The following SEMA4D variants were observed in gnomAD, a reference collection of about 807,000 sequenced individuals.
The protein encoded by SEMA4D is semaphorin-4D.
In SEMA4D, 22 loss-of-function variants were observed where a neutral mutation model predicts 74.8. That is an observed-to-expected ratio of 0.29 (90% CI 0.21 to 0.42). The LOEUF (loss-of-function observed/expected upper bound fraction) is 0.42. SEMA4D is among the 10% of genes least tolerant of loss of function. SEMA4D has a pLI of 1.00. For missense variants in SEMA4D, 937 were observed against 1,118.4 expected, an observed-to-expected ratio of 0.84 and a Z score of 2.31; for synonymous variants, 445 against 463.7, an observed-to-expected ratio of 0.96 and a Z score of 0.52.
At chr9:89,468,576 C>G (rs1046079694) in intron 1 of SEMA4D, among the ~76,000 whole-genome samples, 4 of 152,192 alleles carry the variant, frequency 2.6e-5, no homozygotes, top group Non-Finnish European at 5.9e-5. Context: ...GTTTTTCAAA[C>G]AGGCTAATTT....
At chr9:89,375,668 T>C (rs1358215109), downstream of SEMA4D, among the ~76,000 whole-genome samples, 1 of 152,212 alleles carries the variant, frequency 6.6e-6, no homozygotes, top group Non-Finnish European at 1.5e-5. Flanking sequence ...CTGTATCTAC[T>C]GATCAGTCAG....
chr9:89,373,550 C>G (rs552962788), downstream of SEMA4D, among the ~76,000 whole-genome samples: 1 of 152,180 alleles, frequency 6.6e-6, no homozygotes, highest in Non-Finnish European at 1.5e-5. Flanking sequence ...GGCACCAGGA[C>G]GCAGCATGGG....
rs1473674337 is a variant in SEMA4D, at chr9:89,415,835, G to T, written c.-243-10136C>A. Among the ~76,000 whole-genome samples the T allele has an allele frequency of 2.6e-5, 4 of 152,210 alleles. No individual in the cohort carries two copies. The South Asian group carries it at 6.2e-4, about 24-fold the overall frequency. On this transcript the variant is annotated intron_variant, in intron 2 of 15. Coordinates refer to ENST00000422704, the MANE Select transcript of SEMA4D (RefSeq NM_001371194.2). ...CTCAGCACCGGACAGAACCCAGCCA[G>T]CAGAGATGCTTCCAGAATGCCAAAG...
intron 5 of SEMA4D, among the ~76,000 whole-genome samples, chr9:89,397,480 C>G (rs1403405899): frequency 6.6e-6 from 1 of 152,184 alleles, no homozygotes; most frequent in African/African-American, 2.4e-5. Flanking sequence ...GCCTGGAGCC[C>G]GGCTTGGCAT....
chr9:89,376,797 G>A (rs1156591405), downstream of SEMA4D: 1 of 1,526,604 alleles, frequency 6.6e-7, no homozygotes, highest in Non-Finnish European at 8.9e-7. Context: ...GGAGACAGAT[G>A]GACAGGGCAC....
Position 89,378,075 on chromosome 9 carries a change from T to C in SEMA4D, c.*629A>G, listed in dbSNP as rs988619218. The C allele has an allele frequency of 1.3e-5, 2 of 152,522 alleles. No individual in the cohort carries two copies. Among genetic ancestry groups the C allele is most frequent in the African/African-American group, 4.8e-5 (2 of 41,404 alleles). 9.4% of individuals were successfully genotyped at this position (152,522 alleles called of 1,614,324 possible). ...CATTTAGCAAAAGGAAGTTTATCCC[T>C]GAGAATCTTAAGCAACGTAAGCCGT... On this transcript the variant is annotated 3_prime_UTR_variant, in exon 16 of 16. Transcript: ENST00000422704.
intron 2 of SEMA4D, among the ~76,000 whole-genome samples, chr9:89,447,315 A>G (rs934746545): frequency 2.0e-5 from 3 of 151,036 alleles, no homozygotes; most frequent in African/African-American, 4.9e-5. Context: ...TGTTTCCTCA[A>G]CTCCAGGCTT....
intron 2 of SEMA4D, among the ~76,000 whole-genome samples, chr9:89,452,264 T>C (rs1432880968): frequency 3.4e-5 from 5 of 147,780 alleles, no homozygotes; most frequent in African/African-American, 1.3e-4. Context: ...CTGCAAGCTC[T>C]GCCTCCCAGG....
At chr9:89,397,937 C>G (rs906360895) in intron 5 of SEMA4D, among the ~76,000 whole-genome samples, 1 of 152,118 alleles carries the variant, frequency 6.6e-6, no homozygotes, top group Non-Finnish European at 1.5e-5. Flanking sequence ...CGGCCCAGGG[C>G]TCCCTGAATG....
At chr9:89,394,711 G>C (rs144904683) in intron 6 of SEMA4D, among the ~76,000 whole-genome samples, 128 of 152,334 alleles carry the variant, frequency 8.4e-4, no homozygotes, top group African/African-American at 3.0e-3. Context: ...TGACACCCTT[G>C]AAAGGCCAGT....
chr9:89,387,276 G>A (rs1406172274), intron 12 of SEMA4D, 110 bp downstream of exon 12: 4 of 903,380 alleles, frequency 4.4e-6, no homozygotes, highest in East Asian at 2.6e-5. Context: ...AGGTCACCTC[G>A]AGGGAGGCAA....
intron 3 of SEMA4D, 105 bp from the exon 4 acceptor site, chr9:89,403,121 C>T (rs191744194): frequency 3.4e-4 from 444 of 1,320,306 alleles, no homozygotes; most frequent in South Asian, 1.1e-4. Context: ...ACAATGAGCA[C>T]GTCTGGGTGC....
chr9:89,458,014 T>C (rs1049938369), intron 1 of SEMA4D, among the ~76,000 whole-genome samples: 3 of 152,116 alleles, frequency 2.0e-5, no homozygotes, highest in South Asian at 2.1e-4. Flanking sequence ...GCCTGGTCGA[T>C]AGAGCGAGAC....
chr9:89,468,121 G>A (rs546240373), intron 1 of SEMA4D, among the ~76,000 whole-genome samples: 9 of 152,312 alleles, frequency 5.9e-5, no homozygotes, highest in East Asian at 3.9e-4. Flanking sequence ...AAAACTCAGC[G>A]CCATAGGATG....
In SEMA4D at chr9:89,378,976, T is replaced by A. The variant is rs781113282; in HGVS notation, c.2317A>T (p.Ile773Phe). Residue 773 changes from isoleucine (I) to phenylalanine (F), a missense_variant, in exon 16 of 16, where the codon ATT becomes TTT. Physicochemically the swap from Ile to Phe is conservative, Grantham distance 21. Coordinates refer to ENST00000422704, the MANE Select transcript of SEMA4D (RefSeq NM_001371194.2). ...QCLKFRSALL[I>F]GKKKPKSDFC... Reference sequence around the variant, plus strand: ...TCTGACTTGGGCTTCTTCTTCCCAATTAGTAGGGCCGAGCGGAATTTCAAG... The same window carrying A: ...TCTGACTTGGGCTTCTTCTTCCCAAATAGTAGGGCCGAGCGGAATTTCAAG... The A allele has an allele frequency of 1.2e-6, 2 of 1,613,952 alleles. No individual in the cohort carries two copies. The highest frequency in any genetic ancestry group is 2.2e-5 in the South Asian group (2 of 91,044).
At chr9:89,465,111 C>T (rs184909253) in intron 1 of SEMA4D, among the ~76,000 whole-genome samples, 92 of 152,292 alleles carry the variant, frequency 6.0e-4, no homozygotes, top group African/African-American at 2.1e-3. Flanking sequence ...ACATATCACC[C>T]AAGAGCCTCT....
intron 16 of SEMA4D, among the ~76,000 whole-genome samples, chr9:89,371,586 T>G (rs1326136252): frequency 1.2e-4 from 4 of 34,548 alleles, no homozygotes; most frequent in South Asian, 1.4e-3. Context: ...GTCTGGGGTG[T>G]GGTGTGTGTC....
chr9:89,424,003 C>T (rs1847586403), intron 2 of SEMA4D, among the ~76,000 whole-genome samples: 2 of 149,872 alleles, frequency 1.3e-5, no homozygotes. Flanking sequence ...CAGCACCTCC[C>T]CTCCCTCCCT....
At chr9:89,456,836 C>T (rs1020888405) in intron 1 of SEMA4D, among the ~76,000 whole-genome samples, 2 of 152,324 alleles carry the variant, frequency 1.3e-5, no homozygotes, top group East Asian at 3.9e-4. Context: ...GTGATCTGCC[C>T]GCCTTGGCCC....
Sources: gnomAD v4.1 joint callset for allele counts (sites outside exome capture counted in the v4.1 genomes callset) on GRCh38, gnomAD v4.1.1 for gene constraint, MANE v1.5 for transcripts, NCBI Gene and HGNC (gene_info 2026-07-23, HGNC 2026-07-21) for gene names.